Variants in DNAH10 observed in about 807,000 individuals in gnomAD.
DNAH10 encodes the protein axonemal beta dynein heavy chain 10.
DNAH10 carries 348 observed loss-of-function variants against 506.6 expected under a neutral mutation model. The ratio of observed to expected loss-of-function variants is 0.69; its 90% CI spans 0.63 to 0.75. The LOEUF (loss-of-function observed/expected upper bound fraction) is 0.75, where lower values mean the gene tolerates loss of function less well. DNAH10 is among the 30% of genes least tolerant of loss of function. The pLI, the probability that DNAH10 is intolerant of heterozygous loss-of-function variation, is 0.00. For synonymous variants in DNAH10, 2,059 were observed against 2,198.6 expected, an observed-to-expected ratio of 0.94 and a Z score of 1.78; for missense variants, 5,179 against 5,787.1, an observed-to-expected ratio of 0.89 and a Z score of 3.41.
At chr12:123,868,524 T>C (rs947082889) in intron 43 of DNAH10, among the ~76,000 whole-genome samples, 8 of 151,278 alleles carry the variant, frequency 5.3e-5, no homozygotes, top group African/African-American at 2.0e-4. Flanking sequence ...TATTCCTGAG[T>C]ATTTGCACAG....
chr12:123,771,246 A>G (rs1957241541), intron 2 of DNAH10, among the ~76,000 whole-genome samples: 1 of 152,232 alleles, frequency 6.6e-6, no homozygotes, highest in Non-Finnish European at 1.5e-5. Flanking sequence ...CTGGGATTAT[A>G]GGCATGAGCC....
intron 50 of DNAH10, among the ~76,000 whole-genome samples, chr12:123,880,705 G>A (rs139847340): frequency 0.014 from 2,079 of 151,256 alleles, 27 homozygotes; most frequent in East Asian, 0.053. Context: ...CAACATGCAG[G>A]TTTGTTACAT....
At chr12:123,773,440 C>G (rs542184312) in intron 4 of DNAH10, among the ~76,000 whole-genome samples, 1 of 152,340 alleles carries the variant, frequency 6.6e-6, no homozygotes, top group East Asian at 1.9e-4. Flanking sequence ...GGAAGACTTG[C>G]TGGGGAGTGA....
At chr12:123,858,966 GA>G (rs1951507013) in intron 37 of DNAH10, among the ~76,000 whole-genome samples, 183 bp from the exon 38 acceptor site, 1 of 152,146 alleles carries the variant, frequency 6.6e-6, no homozygotes, top group Non-Finnish European at 1.5e-5. Flanking sequence ...TTTTTGTGGG[GA>G]GGGGTGATAA....
In DNAH10 at chr12:123,931,637, G is replaced by T; in HGVS notation, c.12918G>T (p.Gly4306=). The T allele has an allele frequency of 1.9e-6, 3 of 1,613,760 alleles. No individual in the cohort carries two copies. The highest frequency in any genetic ancestry group is 1.7e-5 in the Admixed American group (1 of 59,990). ...AHLLELQPQT[G]ESSSGISRDD... ...CTCTGAAAAGTGTCCTGGTTTTAGG[G>T]GAATCCAGCAGTGGTATCAGCCGCG... Residue 4306 remains glycine (G), a splice_region_variant and synonymous_variant, in exon 75 of 79, where the codon GGG becomes GGT. Transcript: ENST00000673944.
intron 2 of DNAH10, 145 bp downstream of exon 2, chr12:123,767,834 G>A (rs771569899): frequency 3.2e-5 from 22 of 687,964 alleles, no homozygotes; most frequent in African/African-American, 1.4e-4. Flanking sequence ...ATGAATAGAC[G>A]GATGTAGTAG....
At chr12:123,872,804 C>A (rs1036746521) in intron 45 of DNAH10, among the ~76,000 whole-genome samples, 1 of 152,176 alleles carries the variant, frequency 6.6e-6, no homozygotes, top group Non-Finnish European at 1.5e-5. Context: ...CAGAGCAAGA[C>A]CCTGTCTCCT....
In DNAH10 at chr12:123,919,013, G is replaced by C; in HGVS notation, c.11506+64G>C. 1 of 1,470,952 alleles carries C rather than the reference G, an allele frequency of 6.8e-7. No individual in the cohort carries two copies. The highest frequency in any genetic ancestry group is 2.1e-4 in the Middle Eastern group (1 of 4,872). The allele number at this position is 1,470,952 out of a possible 1,614,324, so 91.1% of individuals were successfully genotyped here. A position where few individuals can be genotyped will look rare whatever the true frequency, so the allele number is the denominator to read the frequency against. On this transcript the variant is annotated intron_variant, in intron 65 of 78. Coordinates refer to ENST00000673944, the MANE Select transcript of DNAH10 (RefSeq NM_001372106.1). The surrounding 1 kb of genome is among the most constrained non-coding windows in gnomAD (Gnocchi z 4.9). ...TTGGTGTGCCAGACGTGGCTTTAAGGAAACGTGATCTGTGAAAATGGAAAG... is the reference window on the plus strand; with the variant it reads ...TTGGTGTGCCAGACGTGGCTTTAAGCAAACGTGATCTGTGAAAATGGAAAG...
intron 16 of DNAH10, among the ~76,000 whole-genome samples, chr12:123,803,163 G>C (rs1336603677): frequency 3.9e-5 from 6 of 152,088 alleles, no homozygotes; most frequent in Non-Finnish European, 8.8e-5. Context: ...TTCTCTCCTT[G>C]TGTTTTGTTT....
At position 123,909,136 on chromosome 12, in the gene DNAH10, G is replaced by A. The variant is rs1953948092; in HGVS notation, c.9816-125G>A. The A allele has an allele frequency of 3.0e-6, 4 of 1,314,718 alleles. No homozygotes were observed. The highest frequency in any genetic ancestry group is 1.4e-5 in the South Asian group (1 of 69,788). The allele number at this position is 1,314,718 out of a possible 1,614,324, so 81.4% of individuals were successfully genotyped here. A position where few individuals can be genotyped will look rare whatever the true frequency, so the allele number is the denominator to read the frequency against. On this transcript the variant is annotated intron_variant, in intron 57 of 78. Transcript: ENST00000673944. The surrounding 1 kb of genome is among the most constrained non-coding windows in gnomAD (Gnocchi z 5.4). ...TTTGTGTTGGGACCTGGCTTCTTTC[G>A]TTTGCTTGCAGCAGTAGCTCCAGGG...
rs758528123 is a variant in DNAH10, at chr12:123,935,479, TA to T, written c.13770del (p.Ter4590TyrfsTer9). On this transcript the variant is annotated frameshift_variant and stop_lost, in exon 79 of 79. Coordinates refer to ENST00000673944, the MANE Select transcript of DNAH10 (RefSeq NM_001372106.1). LOFTEE classifies it high-confidence loss of function. ...AGTATGCCTCACCCTGAATTCTGAT[TA>T]ACCTTTGGGTGAAGAAAACTGCTTA... ...QGVCLTLNSD[*>X] 6.3e-7 allele frequency: 1 copy of T among 1,582,470 alleles called. No individual in the cohort carries two copies. Among genetic ancestry groups the T allele is most frequent in the Non-Finnish European group, 8.7e-7 (1 of 1,154,090 alleles).
rs1565967510 is a variant in DNAH10, at chr12:123,835,401, T to A, written c.4780-5T>A. On this transcript the variant is annotated splice_region_variant and splice_polypyrimidine_tract_variant and intron_variant, in intron 27 of 78. Transcript: ENST00000673944. ...TGCTGACACTGACCTTTTGTACATTTACAGATTTGGATGTTGGTTCAGAGA... is the reference window on the plus strand; with the variant it reads ...TGCTGACACTGACCTTTTGTACATTAACAGATTTGGATGTTGGTTCAGAGA... 1 of 1,612,234 alleles carries A rather than the reference T, an allele frequency of 6.2e-7. No homozygotes were observed. Among genetic ancestry groups the A allele is most frequent in the South Asian group, 1.1e-5 (1 of 90,472 alleles).
intron 2 of DNAH10, among the ~76,000 whole-genome samples, chr12:123,771,005 C>T (rs530526090): frequency 1.5e-4 from 19 of 128,432 alleles, no homozygotes; most frequent in Admixed American, 2.8e-4. Context: ...GATGGAGTCT[C>T]GCTCTGCCAC....
At chr12:123,870,733 C>T (rs1489709672) in intron 44 of DNAH10, among the ~76,000 whole-genome samples, 3 of 152,152 alleles carry the variant, frequency 2.0e-5, no homozygotes, top group Non-Finnish European at 4.4e-5. Context: ...CCCAGCAGGC[C>T]GATCCCCACA....
chr12:123,875,276 C>T lies in DNAH10; in HGVS notation c.7984C>T (p.Leu2662=), dbSNP rs756574330. The T allele has an allele frequency of 1.9e-6, 3 of 1,612,662 alleles. No individual in the cohort carries two copies. In the African/African-American group the frequency reaches 4.0e-5, roughly 22 times the overall value. ...TQQPIALLKL[L]LEKGYLYDRG... is the part of the protein sequence containing the mutation. The stretch of plus-strand genomic sequence containing the variant: ...GCAGCCCATTGCCTTGCTGAAGCTG[C>T]TGTTGGAAAAAGGCTACTTATATGA... The change falls in exon 47 of 79, where the codon CTG becomes TTG. Residue 2662 remains leucine, a synonymous_variant. Transcript: ENST00000673944.
In DNAH10 at chr12:123,909,339, C is replaced by A; in HGVS notation, c.9894C>A (p.Asn3298Lys). 2.5e-6 allele frequency: 4 copies of A among 1,613,226 alleles called. No individual in the cohort carries two copies. The highest frequency in any genetic ancestry group is 3.4e-6 in the Non-Finnish European group (4 of 1,179,646). Residue 3298 changes from asparagine to lysine, a missense_variant, in exon 58 of 79, where the codon AAC becomes AAA. Physicochemically the swap from Asn to Lys is moderately conservative, Grantham distance 94. Transcript: ENST00000673944. The surrounding 1 kb of genome is among the most constrained non-coding windows in gnomAD (Gnocchi z 5.4). ...ILIMKGYKEL[N>K]WKTAKGVMSD... The stretch of plus-strand genomic sequence containing the variant: ...TCATGAAAGGGTACAAAGAGCTGAA[C>A]TGGAAAACAGCCAAGGGCGTGATGT...
Position 123,790,001 on chromosome 12 carries a change from T to A in DNAH10, c.1695T>A (p.Asp565Glu), listed in dbSNP as rs771317480. Residue 565 changes from aspartate to glutamate, a missense_variant, in exon 11 of 79, where the codon GAT becomes GAA. Physicochemically the swap from Asp to Glu is conservative, Grantham distance 45. Coordinates refer to ENST00000673944, the MANE Select transcript of DNAH10 (RefSeq NM_001372106.1). ...CGGGGGACCCCAAGCGCATTGATGA[T>A]GTCCTATGCAGAGTGGACGGCCTAG... Reference protein sequence around the residue: ...AVTGDPKRIDDVLCRVDGLVT... With the variant: ...AVTGDPKRIDEVLCRVDGLVT... The A allele has an allele frequency of 6.2e-7, 1 of 1,614,120 alleles. No individual in the cohort carries two copies. Among genetic ancestry groups the A allele is most frequent in the South Asian group, 1.1e-5 (1 of 91,072 alleles).
intron 24 of DNAH10, among the ~76,000 whole-genome samples, chr12:123,823,049 G>T (rs1674327829): frequency 1.3e-5 from 2 of 152,338 alleles, no homozygotes; most frequent in South Asian, 4.1e-4. Flanking sequence ...CTGGAAATGA[G>T]GTGGACAGAG....
rs370915632 is a variant in DNAH10, at chr12:123,797,888, C to T, written c.2163+1056C>T. On this transcript the variant is annotated intron_variant, in intron 13 of 78. Transcript: ENST00000673944. ...TGGTAAGCCATTTCTTTGAAGATCCCGATAGTAAATATTTTAGGGGTTTGG... is the reference window on the plus strand; with the variant it reads ...TGGTAAGCCATTTCTTTGAAGATCCTGATAGTAAATATTTTAGGGGTTTGG... Among the ~76,000 whole-genome samples, 205 of 152,242 alleles carry T rather than the reference C, an allele frequency of 1.3e-3. 1 individual carries two copies. Among genetic ancestry groups the T allele is most frequent in the African/African-American group, 4.3e-3 (179 of 41,534 alleles).
Sources: gnomAD v4.1 joint callset for allele counts (sites outside exome capture counted in the v4.1 genomes callset) on GRCh38, gnomAD v4.1.1 for gene constraint, Gnocchi (gnomAD v3.1) non-coding constraint, MANE v1.5 for transcripts, NCBI Gene and HGNC (gene_info 2026-07-23, HGNC 2026-07-21) for gene names.